The following DDX4 variants were observed in gnomAD, a reference collection of about 807,000 sequenced individuals.
DDX4 encodes probable ATP-dependent RNA helicase DDX4.
Under a neutral mutation model 100.0 loss-of-function variants are expected in DDX4, and 25 were observed. The ratio of observed to expected loss-of-function variants is 0.25; its 90% CI spans 0.18 to 0.35. The LOEUF is 0.35. Ranked by LOEUF, DDX4 falls within the 10% of genes least tolerant of loss-of-function variation. The probability of loss-of-function intolerance (pLI) is 1.00; values close to 1 mark genes in which losing one functional copy is unlikely to be tolerated. For synonymous variants in DDX4, 259 were observed against 275.7 expected, an observed-to-expected ratio of 0.94 and a Z score of 0.60; for missense variants, 635 against 882.4, an observed-to-expected ratio of 0.72 and a Z score of 3.55.
intron 17 of DDX4, among the ~76,000 whole-genome samples, chr5:55,796,985 C>T (rs981795084): frequency 1.3e-5 from 2 of 151,762 alleles, no homozygotes; most frequent in Non-Finnish European, 2.9e-5. Context: ...GCTGGAACTA[C>T]AGGCATGCGC....
At chr5:55,785,594 A>G in intron 12 of DDX4, 100 bp downstream of exon 12, 1 of 1,301,594 alleles carries the variant, frequency 7.7e-7, no homozygotes, top group Non-Finnish European at 1.1e-6. Flanking sequence ...AAATTTGAAC[A>G]GTGAAAACTT....
chr5:55,742,059 A>G (rs1431911656), intron 2 of DDX4: 3 of 430,600 alleles, frequency 7.0e-6, no homozygotes, highest in African/African-American at 2.0e-5. Context: ...CTAGTATAAC[A>G]GATAGAATTT....
chr5:55,787,025 A>G lies in DDX4; in HGVS notation c.1017+355A>G, dbSNP rs868460185. Among the ~76,000 whole-genome samples, 26 of 152,364 alleles carry G rather than the reference A, an allele frequency of 1.7e-4. No individual in the cohort carries two copies. The Middle Eastern group carries it at 0.01, about 60-fold the overall frequency. ...TAGCTGGTACACTCGAAGTCAAAAG[A>G]TTAAAGAATGAGAAACAGTTATGCA... is the stretch of plus-strand genomic sequence containing the variant. On this transcript the variant is annotated intron_variant, in intron 14 of 21. Transcript: ENST00000505374.
rs533659909 is a variant in DDX4, at chr5:55,786,418, G to A, written c.865-100G>A. On this transcript the variant is annotated intron_variant, in intron 13 of 21. Transcript: ENST00000505374. ...TAAAGTCACTTTAGTATATAAAGTAGAATTAACAGAACTTGGAAAGTAGCT... is the reference window on the plus strand; with the variant it reads ...TAAAGTCACTTTAGTATATAAAGTAAAATTAACAGAACTTGGAAAGTAGCT... The A allele has an allele frequency of 2.3e-5, 20 of 876,932 alleles. No homozygotes were observed. In the Admixed American group the frequency reaches 4.0e-4, roughly 18 times the overall value. The allele number at this position is 876,932 out of a possible 1,614,324, so 54.3% of individuals were successfully genotyped here.
At chr5:55,765,110 T>C (rs917576563) in intron 6 of DDX4, among the ~76,000 whole-genome samples, 16 of 152,138 alleles carry the variant, frequency 1.1e-4, no homozygotes, top group Non-Finnish European at 2.2e-4. Flanking sequence ...AAAACATATA[T>C]GATGTAGAAC....
chr5:55,775,742 C>T (rs1158027908), intron 7 of DDX4, among the ~76,000 whole-genome samples: 1 of 151,980 alleles, frequency 6.6e-6, no homozygotes, highest in Admixed American at 6.6e-5. Flanking sequence ...ATATTGTCAC[C>T]AAACATCTTT....
intron 7 of DDX4, among the ~76,000 whole-genome samples, chr5:55,768,786 A>C: frequency 6.6e-6 from 1 of 152,160 alleles, no homozygotes; most frequent in East Asian, 1.9e-4. Context: ...GCTTGCCAGC[A>C]TCTGTTATTT....
At chr5:55,769,212 A>G (rs1014248851) in intron 7 of DDX4, among the ~76,000 whole-genome samples, 2 of 152,000 alleles carry the variant, frequency 1.3e-5, no homozygotes, top group African/African-American at 4.8e-5. Context: ...CTAGAATGGT[A>G]TTTTGTAGGT....
chr5:55,771,422 T>G (rs546033562), intron 7 of DDX4, among the ~76,000 whole-genome samples: 13 of 152,344 alleles, frequency 8.5e-5, no homozygotes, highest in African/African-American at 3.1e-4. Context: ...GTTTACCTTC[T>G]TAGTGTGTTT....
At chr5:55,745,004 C>T (rs545271038) in intron 2 of DDX4, among the ~76,000 whole-genome samples, 125 of 152,256 alleles carry the variant, frequency 8.2e-4, no homozygotes, top group African/African-American at 2.9e-3. Context: ...CCTTAGGCTC[C>T]TGAGTAGCTG....
intron 18 of DDX4, among the ~76,000 whole-genome samples, chr5:55,805,538 T>C (rs923443602): frequency 6.6e-6 from 1 of 152,152 alleles, no homozygotes; most frequent in African/African-American, 2.4e-5. Flanking sequence ...CATGAAGAGT[T>C]GTTGAATTTT....
chr5:55,752,119 G>A (rs55822669), intron 3 of DDX4, among the ~76,000 whole-genome samples: 1 of 151,932 alleles, frequency 6.6e-6, no homozygotes, highest in Non-Finnish European at 1.5e-5. Flanking sequence ...TGGTAAACTA[G>A]ACATAATAGA....
At chr5:55,803,198 G>C (rs1743438683) in intron 18 of DDX4, among the ~76,000 whole-genome samples, 1 of 150,928 alleles carries the variant, frequency 6.6e-6, no homozygotes, top group Non-Finnish European at 1.5e-5. Context: ...AACATGTGGT[G>C]TTTGTTTTTT....
In DDX4 at chr5:55,769,002, T is replaced by C. The variant is rs78568269; in HGVS notation, c.394+1062T>C. ...TCTGCTTGTACATTTAATTTCCTTATAGATTCTGGATATTAGGCCTTCGTC... is the reference window on the plus strand; with the variant it reads ...TCTGCTTGTACATTTAATTTCCTTACAGATTCTGGATATTAGGCCTTCGTC... On this transcript the variant is annotated intron_variant, in intron 7 of 21. Coordinates refer to ENST00000505374, the MANE Select transcript of DDX4 (RefSeq NM_024415.3). 3.9e-3 allele frequency among the ~76,000 whole-genome samples: 589 copies of C among 152,308 alleles called. 5 individuals are homozygous for C. The highest frequency in any genetic ancestry group is 0.019 in the South Asian group (92 of 4,826).
intron 21 of DDX4, 75 bp from the exon 22 acceptor site, chr5:55,816,388 G>A: frequency 3.9e-6 from 6 of 1,521,650 alleles, no homozygotes; most frequent in Non-Finnish European, 5.3e-6. Flanking sequence ...CTCAGTCTGA[G>A]TGATGTAACT....
At chr5:55,746,783 A>G (rs1759269913) in intron 3 of DDX4, among the ~76,000 whole-genome samples, 1 of 151,864 alleles carries the variant, frequency 6.6e-6, no homozygotes, top group Non-Finnish European at 1.5e-5. Context: ...TCCCACCATC[A>G]TTTTTCCCCT....
rs144025196 is a variant in DDX4 at position 55,793,062 on chromosome 5, GTGTTGTTGT to G, written c.1469+264_1469+272del. 1.3e-3 allele frequency among the ~76,000 whole-genome samples: 203 copies of G among 150,544 alleles called. 1 individual carries two copies. The highest frequency in any genetic ancestry group is 2.0e-3 in the Non-Finnish European group (133 of 67,476). On this transcript the variant is annotated intron_variant, in intron 17 of 21. Coordinates refer to ENST00000505374, the MANE Select transcript of DDX4 (RefSeq NM_024415.3). ...TGTGTGTGTGTGTGTGTGTTTGTGT[GTGTTGTTGT>G]TGTTGTTGCATAGAATCCAGCTAGG...
intron 18 of DDX4, among the ~76,000 whole-genome samples, chr5:55,804,869 G>A (rs939376335): frequency 1.3e-5 from 2 of 152,076 alleles, no homozygotes; most frequent in Non-Finnish European, 2.9e-5. Flanking sequence ...GAAAGGCATT[G>A]GTAGCTTGAT....
chr5:55,759,830 G>A (rs764952176), intron 3 of DDX4, among the ~76,000 whole-genome samples: 6 of 152,084 alleles, frequency 3.9e-5, no homozygotes, highest in South Asian at 4.1e-4. Flanking sequence ...TATGTTTCGT[G>A]CCTGTTTCCC....
Sources: allele counts gnomAD v4.1 joint callset (sites outside exome capture counted in the v4.1 genomes callset), GRCh38; gene constraint gnomAD v4.1.1; transcripts MANE v1.5; gene names NCBI Gene and HGNC (gene_info 2026-07-23, HGNC 2026-07-21).